Variants in CDH23 observed in about 807,000 individuals in gnomAD.
CDH23 encodes cadherin related 23.
A neutral mutation model predicts 317.1 loss-of-function variants in CDH23; 189 were observed. The ratio of observed to expected loss-of-function variants is 0.60; its 90% confidence interval spans 0.53 to 0.67. CDH23 has a LOEUF of 0.67. Among genes scored for constraint, CDH23 ranks in the 30% least tolerant of loss-of-function variants. The pLI, the probability that CDH23 is intolerant of heterozygous loss-of-function variation, is 0.00. For missense variants in CDH23, 4,401 were observed against 4,592.4 expected, an observed-to-expected ratio of 0.96 and a Z score of 1.20; for synonymous variants, 1,839 against 1,876.8, an observed-to-expected ratio of 0.98 and a Z score of 0.52.
At chr10:71,491,186 C>T (rs2132140506) in intron 3 of CDH23, among the ~76,000 whole-genome samples, 1 of 152,242 alleles carries the variant, frequency 6.6e-6, no homozygotes, top group South Asian at 2.1e-4. Context: ...GAGGTCTGCC[C>T]TGAGACCCTC....
intron 28 of CDH23, chr10:71,713,462 C>T (rs1866074707): frequency 6.8e-6 from 4 of 587,690 alleles, no homozygotes; most frequent in South Asian, 2.0e-5. Context: ...TGGGCCTGCC[C>T]ACTGGGGCAG....
At chr10:71,529,536 G>T (rs1855239113) in intron 6 of CDH23, among the ~76,000 whole-genome samples, 2 of 152,170 alleles carry the variant, frequency 1.3e-5, no homozygotes, top group Non-Finnish European at 2.9e-5. Flanking sequence ...GCACTCATAG[G>T]GTAGGGTCCA....
At chr10:71,454,990 G>A (rs1433643794) in intron 3 of CDH23, among the ~76,000 whole-genome samples, 1 of 151,796 alleles carries the variant, frequency 6.6e-6, no homozygotes. Flanking sequence ...GGCTAATGAA[G>A]CAACACCTGG....
intron 8 of CDH23, among the ~76,000 whole-genome samples, chr10:71,574,120 T>C (rs1474222856): frequency 6.6e-6 from 1 of 151,654 alleles, no homozygotes; most frequent in Non-Finnish European, 1.5e-5. Context: ...AGCACCCCCA[T>C]TCCCAGCCTT....
At chr10:71,662,447 G>A (rs1863715588) in intron 14 of CDH23, among the ~76,000 whole-genome samples, 3 of 152,146 alleles carry the variant, frequency 2.0e-5, no homozygotes, top group Non-Finnish European at 2.9e-5. Flanking sequence ...ATCCCACAGG[G>A]CAAGGGAGAG....
chr10:71,584,568 G>C (rs1858907391), intron 9 of CDH23, among the ~76,000 whole-genome samples: 1 of 151,924 alleles, frequency 6.6e-6, no homozygotes, highest in African/African-American at 2.4e-5. Flanking sequence ...GTGTGTGTGT[G>C]TGTGTGTACG....
chr10:71,750,456 G>A (rs1294933741), intron 38 of CDH23: 3 of 152,342 alleles, frequency 2.0e-5, no homozygotes, highest in Non-Finnish European at 4.4e-5. Context: ...CGGGGGGCAG[G>A]TGCCCCTCTC....
rs376037961 is a variant in CDH23 at position 71,741,849 on chromosome 10, G to A, written c.4773G>A (p.Pro1591=). Residue 1591 remains proline (P), a synonymous_variant, in exon 38 of 70, where the codon CCG becomes CCA. Coordinates refer to ENST00000224721, the MANE Select transcript of CDH23 (RefSeq NM_022124.6). The stretch of plus-strand genomic sequence containing the variant: ...GTGAGATCGCCACACGGCCTGCCCC[G>A]CCTGACCGCGAGCGCCAGAGCTTCT... The part of the protein sequence containing the change: ...ISGEIATRPA[P]PDRERQSFYH... The A allele has an allele frequency of 3.2e-5, 51 of 1,610,918 alleles. No homozygotes were observed. Among genetic ancestry groups the A allele is most frequent in the South Asian group, 1.5e-4 (14 of 90,464 alleles).
At chr10:71,399,955 A>G (rs1045525936) in intron 1 of CDH23, among the ~76,000 whole-genome samples, 1 of 151,938 alleles carries the variant, frequency 6.6e-6, no homozygotes, top group Non-Finnish European at 1.5e-5. Flanking sequence ...CCCCTCCCAG[A>G]TGGGTGGATC....
chr10:71,722,053 C>T (rs185850783), intron 28 of CDH23, among the ~76,000 whole-genome samples: 1 of 152,336 alleles, frequency 6.6e-6, no homozygotes, highest in African/African-American at 2.4e-5. Flanking sequence ...AGCAGGAACC[C>T]ATCCCCATCT....
Position 71,707,013 on chromosome 10 carries a change from G to A in CDH23, c.3070G>A (p.Val1024Met), listed in dbSNP as rs397517319. 7.7e-5 allele frequency: 123 copies of A among 1,607,580 alleles called. 1 individual carries two copies. The Middle Eastern group carries it at 1.2e-3, about 15-fold the overall frequency. ...CTGGCTGAACTGCACGGACAACGAC[G>A]TGGGCCTCAATGCAGAGCTCAGCTA... Reference protein sequence around the residue: ...VVWLNCTDNDVGLNAELSYFI... With the variant: ...VVWLNCTDNDMGLNAELSYFI... Residue 1024 changes from valine to methionine, a missense_variant, in exon 26 of 70, where the codon GTG becomes ATG. By Grantham distance (21) the Val-to-Met change is conservative. Coordinates refer to ENST00000224721, the MANE Select transcript of CDH23 (RefSeq NM_022124.6).
intron 9 of CDH23, among the ~76,000 whole-genome samples, chr10:71,609,200 C>T (rs879662978): frequency 6.6e-6 from 1 of 151,962 alleles, no homozygotes; most frequent in Non-Finnish European, 1.5e-5. Context: ...CCTAAGCTCC[C>T]CCTGCCCCAC....
At chr10:71,719,057 G>A (rs770484132) in intron 28 of CDH23, among the ~76,000 whole-genome samples, 5 of 151,778 alleles carry the variant, frequency 3.3e-5, no homozygotes, top group Admixed American at 6.6e-5. Flanking sequence ...CAGCCTGAGC[G>A]ACAGAGCAAC....
chr10:71,784,828 G>A (rs983447397), intron 42 of CDH23, 63 bp from the exon 43 acceptor site: 12 of 1,388,640 alleles, frequency 8.6e-6, no homozygotes, highest in East Asian at 6.9e-5. Context: ...CCTCCTCCTC[G>A]GTTGCCATGC....
chr10:71,723,313 T>C (rs1866642058), intron 28 of CDH23, among the ~76,000 whole-genome samples: 1 of 152,180 alleles, frequency 6.6e-6, no homozygotes. Context: ...AGGACTCATG[T>C]TGGGGTCAGC....
intron 3 of CDH23, among the ~76,000 whole-genome samples, chr10:71,452,075 G>A (rs534469715): frequency 3.3e-5 from 5 of 152,330 alleles, no homozygotes; most frequent in South Asian, 4.1e-4. Flanking sequence ...GGCAAGGCCC[G>A]CGCTGTGCCA....
intron 3 of CDH23, among the ~76,000 whole-genome samples, chr10:71,486,783 A>G (rs10762451): frequency 0.59 from 89,065 of 151,942 alleles, 26,580 homozygotes; most frequent in East Asian, 0.69. Flanking sequence ...CTGAGCTGGA[A>G]ATTGCTGTGC....
intron 1 of CDH23, among the ~76,000 whole-genome samples, chr10:71,407,302 A>G (rs945360522): frequency 6.6e-6 from 1 of 152,190 alleles, no homozygotes; most frequent in African/African-American, 2.4e-5. Context: ...CTTTCTATCC[A>G]GCCCTGCCAG....
chr10:71,532,353 C>G lies in CDH23; in HGVS notation c.429+21141C>G, dbSNP rs117050314. 9.6e-4 allele frequency among the ~76,000 whole-genome samples: 147 copies of G among 152,366 alleles called. 3 individuals are homozygous for G. In the East Asian group the frequency reaches 0.025, roughly 26 times the overall value. On this transcript the variant is annotated intron_variant, in intron 6 of 69. Coordinates refer to ENST00000224721, the MANE Select transcript of CDH23 (RefSeq NM_022124.6). ...CGTCTAAGGGAGAGAGCGCCTGCAACCGAGCAGCTGGGCTCTGAGGCCCCG... is the reference window on the plus strand; with the variant it reads ...CGTCTAAGGGAGAGAGCGCCTGCAAGCGAGCAGCTGGGCTCTGAGGCCCCG...
Sources: gnomAD v4.1 joint callset for allele counts (sites outside exome capture counted in the v4.1 genomes callset) on GRCh38, gnomAD v4.1.1 for gene constraint, MANE v1.5 for transcripts, NCBI Gene and HGNC (gene_info 2026-07-23, HGNC 2026-07-21) for gene names.